PAPPA2: variants seen among roughly 807,000 people sequenced by gnomAD.
PAPPA2 encodes pappalysin-2.
Under a neutral mutation model 176.4 loss-of-function variants are expected in PAPPA2, and 86 were observed. The observed-to-expected ratio is 0.49, with a 90% CI of 0.41 to 0.58. The LOEUF (loss-of-function observed/expected upper bound fraction) is 0.58, where lower values mean the gene tolerates loss of function less well. Ranked by LOEUF, PAPPA2 falls within the 20% of genes least tolerant of loss-of-function variation. The pLI, the probability that PAPPA2 is intolerant of heterozygous loss-of-function variation, is 0.00. For missense variants in PAPPA2, 2,073 were observed against 2,256.9 expected, an observed-to-expected ratio of 0.92 and a Z score of 1.65; for synonymous variants, 809 against 852.2, an observed-to-expected ratio of 0.95 and a Z score of 0.88.
intron 12 of PAPPA2, among the ~76,000 whole-genome samples, chr1:176,735,176 A>G (rs1426024092): frequency 6.6e-6 from 1 of 152,114 alleles, no homozygotes; most frequent in African/African-American, 2.4e-5. Context: ...GAATAAAATC[A>G]CAATGAGCGC....
chr1:176,621,426 A>G (rs918969815), intron 3 of PAPPA2, among the ~76,000 whole-genome samples: 4 of 152,154 alleles, frequency 2.6e-5, no homozygotes, highest in African/African-American at 9.7e-5. Context: ...TGTTCTCACC[A>G]TCATCCCCCT....
chr1:176,725,681 C>T (rs1661833271), intron 12 of PAPPA2, among the ~76,000 whole-genome samples: 1 of 151,714 alleles, frequency 6.6e-6, no homozygotes, highest in Non-Finnish European at 1.5e-5. Context: ...ACATCTTCCA[C>T]ACCCGGTTAC....
chr1:176,638,672 C>T (rs1298700113), intron 3 of PAPPA2, among the ~76,000 whole-genome samples: 2 of 151,812 alleles, frequency 1.3e-5, no homozygotes, highest in African/African-American at 4.8e-5. Flanking sequence ...GAATTTCTAG[C>T]CCCTCCAAAT....
chr1:176,768,022 C>A (rs1013314787), intron 15 of PAPPA2, among the ~76,000 whole-genome samples: 1 of 152,144 alleles, frequency 6.6e-6, no homozygotes, highest in Non-Finnish European at 1.5e-5. Flanking sequence ...GTGACAGGTG[C>A]CTTCAGCGGT....
intron 17 of PAPPA2, among the ~76,000 whole-genome samples, chr1:176,774,920 T>C (rs1664389388): frequency 6.6e-6 from 1 of 152,296 alleles, no homozygotes; most frequent in Admixed American, 6.5e-5. Flanking sequence ...ACTGGACTTC[T>C]TTTATATCTT....
At chr1:176,578,387 G>T (rs1652772320) in intron 2 of PAPPA2, among the ~76,000 whole-genome samples, 1 of 152,140 alleles carries the variant, frequency 6.6e-6, no homozygotes, top group African/African-American at 2.4e-5. Flanking sequence ...CATTCTTCTA[G>T]GTCAGATGCA....
chr1:176,785,768 C>G (rs1032107261), intron 17 of PAPPA2, among the ~76,000 whole-genome samples: 2 of 152,284 alleles, frequency 1.3e-5, no homozygotes, highest in African/African-American at 4.8e-5. Flanking sequence ...TCTGTCTACT[C>G]TCACCCCTGA....
chr1:176,496,245 A>G (rs914638717), intron 1 of PAPPA2, among the ~76,000 whole-genome samples: 1 of 152,206 alleles, frequency 6.6e-6, no homozygotes, highest in East Asian at 1.9e-4. Flanking sequence ...ACTGTTTTTA[A>G]TATGGGTAGT....
At position 176,627,883 on chromosome 1, in the gene PAPPA2, T is replaced by C. The variant is rs556028296; in HGVS notation, c.1991+32288T>C. On this transcript the variant is annotated intron_variant, in intron 3 of 22. Transcript: ENST00000367662. ...GCTTAAATGCTCTTCTCAGTTCCAC[T>C]TCCCTTTGAAATACGCATTAAGGTA... Among the ~76,000 whole-genome samples the C allele has an allele frequency of 2.0e-5, 3 of 152,338 alleles. No individual in the cohort carries two copies. The East Asian group carries it at 5.8e-4, about 29-fold the overall frequency.
At chr1:176,580,298 A>G (rs998157658) in intron 2 of PAPPA2, among the ~76,000 whole-genome samples, 5 of 152,304 alleles carry the variant, frequency 3.3e-5, no homozygotes, top group African/African-American at 7.2e-5. Context: ...ACTTAACATA[A>G]TGTCCTCCAG....
intron 14 of PAPPA2, among the ~76,000 whole-genome samples, chr1:176,764,070 T>C (rs931608021): frequency 6.6e-6 from 1 of 152,130 alleles, no homozygotes; most frequent in Non-Finnish European, 1.5e-5. Context: ...AACAATCCAC[T>C]CTCATGGGAA....
intron 1 of PAPPA2, among the ~76,000 whole-genome samples, chr1:176,487,853 A>T (rs546651500): frequency 3.6e-4 from 55 of 152,304 alleles, no homozygotes; most frequent in African/African-American, 1.3e-3. Context: ...AATTGGGCCA[A>T]GGGCTGATAG....
chr1:176,588,605 T>C (rs1387438626), intron 2 of PAPPA2, among the ~76,000 whole-genome samples: 1 of 152,234 alleles, frequency 6.6e-6, no homozygotes, highest in Non-Finnish European at 1.5e-5. Flanking sequence ...CTAGTGATTT[T>C]TGTATCTCAG....
chr1:176,779,734 A>G (rs1445565363), intron 17 of PAPPA2, among the ~76,000 whole-genome samples: 2 of 152,180 alleles, frequency 1.3e-5, no homozygotes, highest in Admixed American at 6.6e-5. Context: ...AATAGAGGTT[A>G]TGTGATTTTT....
chr1:176,596,799 C>G (rs972413374), intron 3 of PAPPA2, among the ~76,000 whole-genome samples: 6 of 152,092 alleles, frequency 3.9e-5, no homozygotes, highest in Admixed American at 2.6e-4. Flanking sequence ...TCTCATTTGA[C>G]GGCTGTTGCA....
intron 3 of PAPPA2, among the ~76,000 whole-genome samples, chr1:176,665,584 A>G (rs982129930): frequency 6.6e-6 from 1 of 152,300 alleles, no homozygotes; most frequent in Non-Finnish European, 1.5e-5. Flanking sequence ...TCCTGGATTT[A>G]CAAATTTTTT....
rs1181667841 is a variant in PAPPA2 at position 176,594,687 on chromosome 1, A to G, written c.1083A>G (p.Pro361=). The G allele has an allele frequency of 6.2e-7, 1 of 1,614,222 alleles. No homozygotes were observed. The highest frequency in any genetic ancestry group is 1.1e-5 in the South Asian group (1 of 91,088). Reference sequence around the variant, plus strand: ...TGATTAGCCACAGTCGCTACCAACCAGGCACATGGACCCATGTGGCAGCCA... The same window carrying G: ...TGATTAGCCACAGTCGCTACCAACCGGGCACATGGACCCATGTGGCAGCCA... The part of the protein sequence containing the change: ...TILISHSRYQ[P]GTWTHVAATY... Residue 361 remains proline (P), a synonymous_variant, in exon 3 of 23, where the codon CCA becomes CCG. Coordinates refer to ENST00000367662, the MANE Select transcript of PAPPA2 (RefSeq NM_020318.3).
At chr1:176,574,960 G>T (rs1652562629) in intron 2 of PAPPA2, among the ~76,000 whole-genome samples, 2 of 152,176 alleles carry the variant, frequency 1.3e-5, no homozygotes, top group Non-Finnish European at 2.9e-5. Context: ...GTATGTTCTA[G>T]GTTTGTGTAA....
chr1:176,468,663 G>T (rs561315392), intron 1 of PAPPA2, among the ~76,000 whole-genome samples: 1 of 152,228 alleles, frequency 6.6e-6, no homozygotes, highest in South Asian at 2.1e-4. Context: ...CATCTTTCAT[G>T]TGAAGGCACA....
Sources: allele counts gnomAD v4.1 joint callset (sites outside exome capture counted in the v4.1 genomes callset), GRCh38; gene constraint gnomAD v4.1.1; transcripts MANE v1.5; gene names NCBI Gene and HGNC (gene_info 2026-07-23, HGNC 2026-07-21).